MYO16: variants seen among roughly 807,000 people sequenced by gnomAD.
The protein encoded by MYO16 is unconventional myosin-XVI.
Under a neutral mutation model 205.3 loss-of-function variants are expected in MYO16, and 94 were observed. That is an observed-to-expected ratio of 0.46 (90% CI 0.39 to 0.54). MYO16 has a LOEUF of 0.54. MYO16 is among the 20% of genes least tolerant of loss of function. The pLI is 0.00. For missense variants in MYO16, 2,315 were observed against 2,387.5 expected (o/e 0.97, Z 0.63); for synonymous variants, 988 against 954.0 (o/e 1.04, Z -0.66).
intron 12 of MYO16, among the ~76,000 whole-genome samples, chr13:108,868,908 A>G (rs1878861948): frequency 7.7e-6 from 1 of 129,498 alleles, no homozygotes; most frequent in South Asian, 2.5e-4. Flanking sequence ...CAACAGAGTG[A>G]GACTCTGTCA....
chr13:108,583,520 G>A, the MYO16 span, among the ~76,000 whole-genome samples: 1 of 152,164 alleles, frequency 6.6e-6, no homozygotes, highest in South Asian at 2.1e-4. Flanking sequence ...AGTATGCATA[G>A]AGGACTTGGA....
chr13:108,591,847 T>C (rs1429411435), upstream of MYO16, among the ~76,000 whole-genome samples: 1 of 152,104 alleles, frequency 6.6e-6, no homozygotes, highest in Non-Finnish European at 1.5e-5. Context: ...GAGTATAACA[T>C]GGCTGAGTGT....
At chr13:108,844,253 C>G (rs7989143) in intron 9 of MYO16, 90 bp from the exon 10 acceptor site, 1 of 1,012,028 alleles carries the variant, frequency 9.9e-7, no homozygotes, top group Non-Finnish European at 1.3e-6. Context: ...ATAAAACCAC[C>G]GTCATAGTCC....
intron 10 of MYO16, among the ~76,000 whole-genome samples, chr13:108,849,622 TGTG>T (rs1877729658): frequency 2.9e-4 from 4 of 13,918 alleles, no homozygotes; most frequent in Admixed American, 7.1e-4. Flanking sequence ...TCCTCTTTTG[TGTG>T]TGTGTGTGTG....
intron 4 of MYO16, among the ~76,000 whole-genome samples, chr13:108,782,103 T>A (rs1886322493): frequency 6.6e-6 from 1 of 152,108 alleles, no homozygotes; most frequent in Admixed American, 6.5e-5. Flanking sequence ...CAGGCAGAGG[T>A]TGGAGCAATT....
At chr13:108,713,719 TAC>T (rs1883813754) in intron 3 of MYO16, among the ~76,000 whole-genome samples, 1 of 152,208 alleles carries the variant, frequency 6.6e-6, no homozygotes, top group Admixed American at 6.5e-5. Flanking sequence ...CAAGTTATTA[TAC>T]AGTCAGCAGA....
chr13:108,821,528 C>A (rs2139017892), intron 8 of MYO16, among the ~76,000 whole-genome samples: 1 of 152,276 alleles, frequency 6.6e-6, no homozygotes, highest in African/African-American at 2.4e-5. Context: ...AACGTGTTTA[C>A]TGTGAGTACA....
rs1042323126 is a variant in MYO16 at position 108,798,733 on chromosome 13, C to G, written c.741+5093C>G. Among the ~76,000 whole-genome samples the G allele has an allele frequency of 1.0e-4, 10 of 99,292 alleles. No homozygotes were observed. In the South Asian group the frequency reaches 3.2e-3, roughly 32 times the overall value. The allele number at this position is 99,292 out of a possible 152,430, so 65.1% of individuals were successfully genotyped here. ...TTTTTTTTTGAGATGGAGTCTCGCT[C>G]TGTCGCCCAGGCCGGACTGCGGACT... On this transcript the variant is annotated intron_variant, in intron 6 of 34. Coordinates refer to ENST00000457511, the MANE Select transcript of MYO16 (RefSeq NM_001198950.3).
intron 2 of MYO16, among the ~76,000 whole-genome samples, chr13:108,666,803 A>T (rs568576681): frequency 2.0e-4 from 31 of 152,160 alleles, no homozygotes; most frequent in Admixed American, 8.5e-4. Flanking sequence ...AGACTGTTAA[A>T]TTTTTTCACT....
intron 3 of MYO16, among the ~76,000 whole-genome samples, chr13:108,720,574 TTTG>T (rs138471153): frequency 2.1e-3 from 314 of 152,098 alleles, no homozygotes; most frequent in African/African-American, 6.9e-3. Flanking sequence ...AGTTCAGAGT[TTTG>T]TTGTTGTTGT....
Position 109,050,750 on chromosome 13 carries a change from T to C in MYO16, c.2873-1550T>C, listed in dbSNP as rs1365286615. 1.2e-4 allele frequency among the ~76,000 whole-genome samples: 19 copies of C among 152,306 alleles called. No individual in the cohort carries two copies. The South Asian group carries it at 2.9e-3, about 23-fold the overall frequency. On this transcript the variant is annotated intron_variant, in intron 24 of 34. Coordinates refer to ENST00000457511, the MANE Select transcript of MYO16 (RefSeq NM_001198950.3). ...TGTACACTCATGGATTCTTATGTTA[T>C]TCAATGAATAATGATTAATTACTAT... is the stretch of plus-strand genomic sequence containing the variant.
intron 23 of MYO16, among the ~76,000 whole-genome samples, chr13:109,021,801 C>G (rs568719096): frequency 6.6e-6 from 1 of 152,104 alleles, no homozygotes; most frequent in Non-Finnish European, 1.5e-5. Flanking sequence ...GTCCTCTTAA[C>G]ACTGTTAACT....
the MYO16 span, among the ~76,000 whole-genome samples, chr13:108,555,013 C>T: frequency 2.6e-5 from 4 of 152,014 alleles, no homozygotes; most frequent in Non-Finnish European, 4.4e-5. Context: ...ATTTTACCTG[C>T]TAACATTGGA....
upstream of MYO16, among the ~76,000 whole-genome samples, chr13:108,624,647 G>A (rs564457129): frequency 6.6e-6 from 1 of 152,238 alleles, no homozygotes; most frequent in South Asian, 2.1e-4. Context: ...CTTTACAAAT[G>A]TCCTGCTTTA....
chr13:109,087,798 G>A (rs867619417), intron 27 of MYO16, among the ~76,000 whole-genome samples: 2 of 152,338 alleles, frequency 1.3e-5, no homozygotes, highest in Middle Eastern at 3.4e-3. Flanking sequence ...AAGATAGGAG[G>A]TCAGACTGAC....
intron 1 of MYO16, among the ~76,000 whole-genome samples, chr13:108,662,213 G>A (rs1881533839): frequency 6.6e-6 from 1 of 152,214 alleles, no homozygotes; most frequent in Non-Finnish European, 1.5e-5. Flanking sequence ...GACTGCATAA[G>A]TGTCCTTGGC....
chr13:108,527,963 G>A, the MYO16 span, among the ~76,000 whole-genome samples: 1 of 152,134 alleles, frequency 6.6e-6, no homozygotes, highest in South Asian at 2.1e-4. Flanking sequence ...TGGTATCTGT[G>A]TATCTCTGGT....
intron 7 of MYO16, among the ~76,000 whole-genome samples, chr13:108,808,698 A>G (rs550708231): frequency 6.6e-6 from 1 of 152,166 alleles, no homozygotes; most frequent in East Asian, 1.9e-4. Flanking sequence ...TCAGCCAGAT[A>G]AAATTTGTGT....
intron 27 of MYO16, among the ~76,000 whole-genome samples, chr13:109,062,252 T>C (rs550011414): frequency 6.6e-6 from 1 of 152,324 alleles, no homozygotes; most frequent in East Asian, 1.9e-4. Flanking sequence ...CAATAGACTA[T>C]AACTTCTTCT....
Sources: allele counts gnomAD v4.1 joint callset (sites outside exome capture counted in the v4.1 genomes callset), GRCh38; gene constraint gnomAD v4.1.1; transcripts MANE v1.5; gene names NCBI Gene and HGNC (gene_info 2026-07-23, HGNC 2026-07-21).